The following PABIR3 variants were observed in gnomAD, a reference collection of about 807,000 sequenced individuals.
PABIR3 encodes PABIR family member 1.
Under a neutral mutation model 23.1 loss-of-function variants are expected in PABIR3, and 20 were observed. The ratio of observed to expected loss-of-function variants is 0.86; its 90% CI spans 0.61 to 1.26. The LOEUF (loss-of-function observed/expected upper bound fraction) is 1.26. Ranked by LOEUF, PABIR3 falls within the 50% of genes most tolerant of loss-of-function variation. PABIR3 has a pLI of 0.00. For missense variants in PABIR3, 189 were observed against 195.4 expected (o/e 0.97, Z 0.20); for synonymous variants, 69 against 68.5 (o/e 1.01, Z -0.04).
intron 4 of PABIR3, among the ~76,000 whole-genome samples, chrX:134,830,585 G>C (rs1037838990): frequency 2.7e-5 from 3 of 109,393 alleles, no homozygotes; most frequent in Non-Finnish European, 5.7e-5. Context: ...TGCCTACCTC[G>C]GCCTCCCAAA....
At chrX:134,848,045 C>A in intron 8 of PABIR3, 74 bp downstream of exon 8, 1 of 894,358 alleles carries the variant, frequency 1.1e-6, no homozygotes, top group Non-Finnish European at 1.5e-6. Flanking sequence ...GAAATTATAG[C>A]TCCAAGTTTT....
At chrX:134,804,005 G>T, upstream of PABIR3, 2 of 249,565 alleles carry the variant, frequency 8.0e-6, no homozygotes, top group Non-Finnish European at 7.2e-6. Flanking sequence ...ACTTGCTCTT[G>T]TGGTAACTAA....
chrX:134,811,316 T>C, intron 2 of PABIR3: 2 of 221,124 alleles, frequency 9.0e-6, no homozygotes, highest in Non-Finnish European at 1.3e-5. Context: ...GACTCAGAGA[T>C]TAGGTTCTTG....
chrX:134,831,472 A>G (rs1460051880), intron 4 of PABIR3, among the ~76,000 whole-genome samples: 1 of 111,611 alleles, frequency 9.0e-6, no homozygotes, highest in Non-Finnish European at 1.9e-5. Flanking sequence ...TCTCCCCATT[A>G]CCTTCTGAAC....
intron 4 of PABIR3, chrX:134,838,964 G>A (rs1393189916): frequency 1.8e-5 from 2 of 112,703 alleles, no homozygotes; most frequent in Non-Finnish European, 3.6e-5. Context: ...CCGAGGTGCC[G>A]GGATTGCAGA....
chrX:134,820,947 G>A (rs1458769403), intron 3 of PABIR3, among the ~76,000 whole-genome samples: 2 of 107,467 alleles, frequency 1.9e-5, no homozygotes, highest in South Asian at 4.1e-4. Context: ...TCTTGAACCC[G>A]GGGAGTGAAG....
intron 3 of PABIR3, among the ~76,000 whole-genome samples, chrX:134,827,415 C>T (rs2081555262): frequency 9.0e-6 from 1 of 111,045 alleles, no homozygotes; most frequent in African/African-American, 3.3e-5. Flanking sequence ...CAATCTACCT[C>T]CTTCTCTTCA....
chrX:134,822,322 T>C, intron 3 of PABIR3: 1 of 751,302 alleles, frequency 1.3e-6, no homozygotes, highest in Non-Finnish European at 1.6e-6. Context: ...TTGTAGTACT[T>C]AATTTGGGGA....
At chrX:134,814,952 C>T (rs1215464795) in intron 3 of PABIR3, 103 bp downstream of exon 3, 5 of 590,201 alleles carry the variant, frequency 8.5e-6, no homozygotes, top group Non-Finnish European at 1.3e-5. Flanking sequence ...CTTATTAAAA[C>T]ACAGATGGCC....
intron 9 of PABIR3, among the ~76,000 whole-genome samples, chrX:134,850,950 G>T (rs1316386289): frequency 9.0e-6 from 1 of 111,635 alleles, no homozygotes; most frequent in Non-Finnish European, 1.9e-5. Context: ...AATTCATTTG[G>T]CCATTTTTGG....
At chrX:134,863,823 T>G in the PABIR3 span, among the ~76,000 whole-genome samples, 2 of 111,483 alleles carry the variant, frequency 1.8e-5, no homozygotes, top group Non-Finnish European at 3.8e-5. Flanking sequence ...GCACTTGTTA[T>G]TAAAGTGTGA....
chrX:134,822,008 C>T, intron 3 of PABIR3: 1 of 759,461 alleles, frequency 1.3e-6, no homozygotes, highest in Non-Finnish European at 1.6e-6. Flanking sequence ...GGTTTTTCCT[C>T]CTATCTTAAT....
At chrX:134,829,310 GTTCAT>G (rs752677266) in intron 4 of PABIR3, 28 bp downstream of exon 4, 1 of 1,148,734 alleles carries the variant, frequency 8.7e-7, no homozygotes, top group African/African-American at 1.8e-5. Flanking sequence ...ACTGACAGCT[GTTCAT>G]TTAAAAAAGT....
intron 3 of PABIR3, among the ~76,000 whole-genome samples, chrX:134,815,996 A>G (rs763504330): frequency 1.7e-4 from 19 of 112,100 alleles, no homozygotes; most frequent in African/African-American, 2.6e-4. Context: ...GAGTATTTTT[A>G]TCATGAAAGT....
upstream of PABIR3, chrX:134,807,102 C>T (rs1842102342): frequency 2.7e-6 from 2 of 738,724 alleles, no homozygotes; most frequent in Admixed American, 8.7e-5. Context: ...GCGTGCGCCC[C>T]TGGCAAAGCT....
Position 134,847,938 on chromosome X carries a change from G to A in PABIR3, c.494G>A (p.Ser165Asn). The change falls in exon 8 of 11, where the codon AGT becomes AAT. Residue 165 changes from serine to asparagine, a missense_variant. Transcript: ENST00000645433. ...GTGAGTTGCACTGGTTCGCCTTCAAGTCCTATTCCCAGTCCTATGCAACAA... is the reference window on the plus strand; with the variant it reads ...GTGAGTTGCACTGGTTCGCCTTCAAATCCTATTCCCAGTCCTATGCAACAA... ...TCVSCTGSPS[S>N]PIPSPMQQYI... The A allele has an allele frequency of 1.7e-6, 2 of 1,154,542 alleles. No homozygotes were observed. Among genetic ancestry groups the A allele is most frequent in the Non-Finnish European group, 2.3e-6 (2 of 871,880 alleles).
At chrX:134,850,920 C>A (rs923629277) in intron 9 of PABIR3, among the ~76,000 whole-genome samples, 3 of 111,519 alleles carry the variant, frequency 2.7e-5, no homozygotes, top group Non-Finnish European at 5.6e-5. Flanking sequence ...CCAAAGCATG[C>A]CCTGTACAAA....
chrX:134,848,218 C>T lies in PABIR3; in HGVS notation c.527+247C>T, dbSNP rs779282892. Among the ~76,000 whole-genome samples the T allele has an allele frequency of 7.3e-5, 8 of 110,034 alleles. No homozygotes were observed. In the South Asian group the frequency reaches 2.4e-3, roughly 32 times the overall value. The stretch of plus-strand genomic sequence containing the variant: ...CCAGCCTGAGCAACATGGAGAAACC[C>T]CGTCTCTACTAAAAATACAAAAATA... On this transcript the variant is annotated intron_variant, in intron 8 of 10. Transcript: ENST00000645433.
At chrX:134,799,039 CAAG>C (rs1199866256) in intron 1 of PABIR3, among the ~76,000 whole-genome samples, 1 of 111,385 alleles carries the variant, frequency 9.0e-6, no homozygotes, top group Admixed American at 9.5e-5. Context: ...TAATTAGACA[CAAG>C]AAGAGTGTAT....
Sources: allele counts gnomAD v4.1 joint callset (sites outside exome capture counted in the v4.1 genomes callset), GRCh38; gene constraint gnomAD v4.1.1; transcripts MANE v1.5; gene names NCBI Gene and HGNC (gene_info 2026-07-23, HGNC 2026-07-21).